The following ZFHX3 variants were observed in gnomAD, a reference collection of about 807,000 sequenced individuals.
ZFHX3 encodes zinc finger homeobox 3, also known as zinc finger homeobox protein 3.
In ZFHX3, 42 loss-of-function variants were observed where a neutral mutation model predicts 279.1. That is an observed-to-expected ratio of 0.15 (90% CI 0.12 to 0.19). ZFHX3 has a LOEUF of 0.19. Ranked by LOEUF, ZFHX3 falls within the 10% of genes least tolerant of loss-of-function variation. The probability of loss-of-function intolerance (pLI) is 1.00; values close to 1 mark genes in which losing one functional copy is unlikely to be tolerated. For synonymous variants in ZFHX3, 2,293 were observed against 1,957.8 expected (o/e 1.17, Z -4.52); for missense variants, 4,981 against 4,754.0 (o/e 1.05, Z -1.40).
intron 5 of ZFHX3, among the ~76,000 whole-genome samples, chr16:73,174,113 G>T (rs895964498): frequency 3.9e-5 from 6 of 152,124 alleles, no homozygotes; most frequent in Non-Finnish European, 8.8e-5. Context: ...GTTTCCCCCA[G>T]GCGAGCCACC....
At chr16:73,056,457 C>T (rs1965559172) in intron 1 of ZFHX3, among the ~76,000 whole-genome samples, 1 of 152,104 alleles carries the variant, frequency 6.6e-6, no homozygotes, top group Non-Finnish European at 1.5e-5. Flanking sequence ...AAACTCCCAA[C>T]CCCTAGGTCT....
At chr16:73,535,709 A>T (rs1299447076) in intron 2 of ZFHX3, among the ~76,000 whole-genome samples, 1 of 147,048 alleles carries the variant, frequency 6.8e-6, no homozygotes, top group Non-Finnish European at 1.5e-5. Flanking sequence ...CTTGGGTTCT[A>T]TGTGCCCCCT....
At position 73,521,055 on chromosome 16, in the gene ZFHX3, A is replaced by G. The variant is rs75074805; in HGVS notation, c.-1546-64797T>C. Among the ~76,000 whole-genome samples, 1,148 of 152,332 alleles carry G rather than the reference A, an allele frequency of 7.5e-3. 16 individuals carry two copies. The highest frequency in any genetic ancestry group is 0.02 in the African/African-American group (843 of 41,580). Reference sequence around the variant, plus strand: ...TCAATACTTCAGAACATCATCATCCAAAGAACAAAATCAAAACAAATGAAC... The same window carrying G: ...TCAATACTTCAGAACATCATCATCCGAAGAACAAAATCAAAACAAATGAAC... On this transcript the variant is annotated intron_variant, in intron 2 of 17. Transcript: ENST00000641206.
At chr16:73,314,762 G>A (rs1024727565) in intron 4 of ZFHX3, among the ~76,000 whole-genome samples, 2 of 152,176 alleles carry the variant, frequency 1.3e-5, no homozygotes, top group African/African-American at 4.8e-5. Context: ...CTTAATATTT[G>A]ACAGATTGAA....
At chr16:73,565,740 CT>C (rs949474119) in intron 2 of ZFHX3, among the ~76,000 whole-genome samples, 6 of 152,094 alleles carry the variant, frequency 3.9e-5, no homozygotes, top group Admixed American at 3.9e-4. Context: ...AGGTTAGTCC[CT>C]TTTTTATGTG....
chr16:73,449,968 C>T (rs914199656), intron 3 of ZFHX3, among the ~76,000 whole-genome samples: 2 of 152,076 alleles, frequency 1.3e-5, no homozygotes, highest in Non-Finnish European at 2.9e-5. Context: ...ACAATGTCTA[C>T]CCATTAAATG....
At chr16:73,427,343 T>G (rs1279207305) in intron 3 of ZFHX3, among the ~76,000 whole-genome samples, 2 of 152,114 alleles carry the variant, frequency 1.3e-5, no homozygotes, top group Non-Finnish European at 2.9e-5. Flanking sequence ...CCTCATTCCC[T>G]CTCTCTGTGG....
chr16:73,419,249 C>G (rs974739133), intron 3 of ZFHX3, among the ~76,000 whole-genome samples: 3 of 152,234 alleles, frequency 2.0e-5, no homozygotes, highest in African/African-American at 7.2e-5. Context: ...GCCATAGACA[C>G]TGTCTCACTC....
In ZFHX3 at chr16:73,337,889, T is replaced by TGCC. The variant is rs1281387403; in HGVS notation, c.-1290-19554_-1290-19553insGGC. On this transcript the variant is annotated intron_variant, in intron 3 of 17. Coordinates refer to the ZFHX3 transcript ENST00000641206. Reference sequence around the variant, plus strand: ...ATTTCAATAAGTCTTCATCTTCCCTTGGCGGGGGGGGGGGTCCTCATCCCC... The same window carrying TGCC: ...ATTTCAATAAGTCTTCATCTTCCCTTGCCGGCGGGGGGGGGGGTCCTCATCCCC... Among the ~76,000 whole-genome samples the TGCC allele has an allele frequency of 1.6e-4, 5 of 30,750 alleles. No individual in the cohort carries two copies. The South Asian group carries it at 6.3e-3, about 39-fold the overall frequency. The allele number at this position is 30,750 out of a possible 152,430, so 20.2% of individuals were successfully genotyped here. A position where few individuals can be genotyped will look rare whatever the true frequency, so the allele number is the denominator to read the frequency against.
At chr16:72,789,741 T>A (rs1487317498) in intron 9 of ZFHX3, 1 of 152,246 alleles carries the variant, frequency 6.6e-6, no homozygotes, top group Non-Finnish European at 1.5e-5. Context: ...TCAACAAGTC[T>A]ACTCAACAGT....
chr16:73,665,596 A>ACCAAAGT (rs1484476152), intron 2 of ZFHX3, among the ~76,000 whole-genome samples: 3 of 151,780 alleles, frequency 2.0e-5, no homozygotes, highest in Non-Finnish European at 2.9e-5. Context: ...AGATTGCTCC[A>ACCAAAGT]CCAAAGTGAA....
Position 72,853,043 on chromosome 16 carries a change from C to A in ZFHX3, c.3449-23184G>T, listed in dbSNP as rs966645613. On this transcript the variant is annotated intron_variant, in intron 4 of 9. Coordinates refer to ENST00000268489, the MANE Select transcript of ZFHX3 (RefSeq NM_006885.4). Reference sequence around the variant, plus strand: ...CCAGAGCTTTCTCATTGAACCATCACGTCAACATGTACTTGGACAAGAAAA... The same window carrying A: ...CCAGAGCTTTCTCATTGAACCATCAAGTCAACATGTACTTGGACAAGAAAA... Among the ~76,000 whole-genome samples the A allele has an allele frequency of 2.0e-5, 3 of 152,196 alleles. No homozygotes were observed. The East Asian group carries it at 5.8e-4, about 29-fold the overall frequency.
In ZFHX3 at chr16:72,797,093, A is replaced by C; in HGVS notation, c.5589T>G (p.Ser1863Arg). The part of the protein sequence containing the change: ...QQQNQLSIAQ[S>R]HSALLQPSQH... ...GGCTTGGCTGAAGGAGGGCAGAGTGACTCTGGGCTATAGAGAGTTGGTTCT... is the reference window on the plus strand; with the variant it reads ...GGCTTGGCTGAAGGAGGGCAGAGTGCCTCTGGGCTATAGAGAGTTGGTTCT... The change falls in exon 9 of 10, where the codon AGT (serine) becomes AGG (arginine). Residue 1863 changes from serine (S) to arginine (R), a missense_variant. Physicochemically the swap from Ser to Arg is moderately radical, Grantham distance 110 (BLOSUM62 -1). This residue lies in a region of ZFHX3 where 1,751 missense variants were observed against 1,770.0 expected (regional missense o/e 0.99). Transcript: ENST00000268489. The C allele has an allele frequency of 6.2e-7, 1 of 1,613,572 alleles. No homozygotes were observed. The highest frequency in any genetic ancestry group is 8.5e-7 in the Non-Finnish European group (1 of 1,179,930).
chr16:72,794,846 G>A lies in ZFHX3; in HGVS notation c.7836C>T (p.Asn2612=). The A allele has an allele frequency of 1.2e-6, 2 of 1,614,052 alleles. No individual in the cohort carries two copies. The highest frequency in any genetic ancestry group is 1.7e-6 in the Non-Finnish European group (2 of 1,180,040). Residue 2612 remains asparagine, a synonymous_variant, in exon 9 of 10, where the codon AAC becomes AAT. Transcript: ENST00000268489. The surrounding 1 kb of genome is among the most constrained non-coding windows in gnomAD (Gnocchi z 4.2). ...TTTCCTCCAGCTTCCTCTTGAGAGT[G>A]TTCATTGTGGAGGTTGGAGTTGAAG... ...TSPSTPTSTM[N]TLKRKLEEKA...
chr16:73,542,884 A>G (rs1035993133), intron 2 of ZFHX3, among the ~76,000 whole-genome samples: 2 of 152,156 alleles, frequency 1.3e-5, no homozygotes, highest in African/African-American at 4.8e-5. Context: ...GGAAGGGGTT[A>G]GAGCAATGGA....
intron 7 of ZFHX3, among the ~76,000 whole-genome samples, chr16:73,125,827 C>T (rs1446247328): frequency 2.7e-5 from 4 of 147,804 alleles, no homozygotes; most frequent in African/African-American, 9.9e-5. Flanking sequence ...CATATATATA[C>T]ACACACACAC....
At chr16:73,841,774 A>G (rs1392729113) in intron 1 of ZFHX3, among the ~76,000 whole-genome samples, 7 of 152,168 alleles carry the variant, frequency 4.6e-5, no homozygotes, top group Non-Finnish European at 8.8e-5. Flanking sequence ...ACCAAATTTC[A>G]TTTTTCCATG....
intron 4 of ZFHX3, among the ~76,000 whole-genome samples, chr16:72,855,184 G>A (rs2037725883): frequency 6.6e-6 from 1 of 152,152 alleles, no homozygotes; most frequent in Non-Finnish European, 1.5e-5. Flanking sequence ...ACAAGGCTGG[G>A]GTTAATGGCA....
In ZFHX3 at chr16:72,796,023, T is replaced by C. The variant is rs755007455; in HGVS notation, c.6659A>G (p.Glu2220Gly). 21 of 1,614,066 alleles carry C rather than the reference T, an allele frequency of 1.3e-5. No individual in the cohort carries two copies. The highest frequency in any genetic ancestry group is 1.6e-5 in the Non-Finnish European group (19 of 1,180,050). ...GGGCCGGGAGTCAATCTTGAGCTCCTCCAGGCTGGTGATAGGAGGATTACT... is the reference window on the plus strand; with the variant it reads ...GGGCCGGGAGTCAATCTTGAGCTCCCCCAGGCTGGTGATAGGAGGATTACT... ...NFSNPPITSL[E>G]ELKIDSRPPS... The change falls in exon 9 of 10, where the codon GAG (glutamate) becomes GGG (glycine). Residue 2220 changes from glutamate (E) to glycine (G), a missense_variant. Physicochemically the swap from Glu to Gly is moderately conservative, Grantham distance 98. Around this residue, in one of 7 missense-constraint regions of ZFHX3, gnomAD observed 177 missense variants for 244.2 expected, o/e 0.72. Coordinates refer to ENST00000268489, the MANE Select transcript of ZFHX3 (RefSeq NM_006885.4).
Sources: gnomAD v4.1 joint callset for allele counts (sites outside exome capture counted in the v4.1 genomes callset) on GRCh38, gnomAD v4.1.1 for gene constraint, gnomAD v4.1.1 regional missense constraint, Gnocchi (gnomAD v3.1) non-coding constraint, MANE v1.5 for transcripts, NCBI Gene and HGNC (gene_info 2026-07-23, HGNC 2026-07-21) for gene names.